SPAG16: variants seen among roughly 807,000 people sequenced by gnomAD.
SPAG16 encodes the protein sperm associated antigen 16.
SPAG16 carries 86 observed loss-of-function variants against 80.4 expected under a neutral mutation model. That is an observed-to-expected ratio of 1.07 (90% CI 0.90 to 1.28). The LOEUF is 1.28. Ranked by LOEUF, SPAG16 falls within the 50% of genes most tolerant of loss-of-function variation. SPAG16 has a pLI of 0.00. For missense variants in SPAG16, 870 were observed against 765.3 expected, an observed-to-expected ratio of 1.14 and a Z score of -1.61; for synonymous variants, 294 against 265.9, an observed-to-expected ratio of 1.11 and a Z score of -1.03.
chr2:214,126,184 CGGAGAAG>C (rs1040754914), intron 14 of SPAG16, among the ~76,000 whole-genome samples: 1 of 148,324 alleles, frequency 6.7e-6, no homozygotes, highest in Non-Finnish European at 1.5e-5. Context: ...CTAGGCTTTA[CGGAGAAG>C]GGAGAAGGGA....
chr2:213,632,831 T>C (rs2062206258), intron 10 of SPAG16, among the ~76,000 whole-genome samples: 1 of 152,192 alleles, frequency 6.6e-6, no homozygotes, highest in Non-Finnish European at 1.5e-5. Flanking sequence ...CACTTGGTCA[T>C]GATGAATAAT....
chr2:214,134,947 C>A (rs140686597), intron 14 of SPAG16, among the ~76,000 whole-genome samples: 117 of 152,206 alleles, frequency 7.7e-4, no homozygotes, highest in African/African-American at 2.8e-3. Flanking sequence ...GACATTGTGC[C>A]GTTTTCGATA....
intron 5 of SPAG16, among the ~76,000 whole-genome samples, chr2:213,322,817 T>TG (rs2063680458): frequency 6.6e-6 from 1 of 151,960 alleles, no homozygotes; most frequent in South Asian, 2.1e-4. Flanking sequence ...CTGAAGAGAC[T>TG]GAGGGAAAAA....
rs542342402 is a variant in SPAG16, at chr2:214,246,548, A to G, written c.1720+97282A>G. Among the ~76,000 whole-genome samples, 25 of 152,216 alleles carry G rather than the reference A, an allele frequency of 1.6e-4. No individual in the cohort carries two copies. In the South Asian group the frequency reaches 3.9e-3, roughly 24 times the overall value. ...CTGAGCATACTATAAGCCCTTGACT[A>G]TGCTTAGTCCACTGTGCTGCAAAGA... is the stretch of plus-strand genomic sequence containing the variant. On this transcript the variant is annotated intron_variant, in intron 15 of 15. Transcript: ENST00000331683.
At chr2:214,134,967 C>CTTTCCTGCCTTCT (rs1241015207) in intron 14 of SPAG16, among the ~76,000 whole-genome samples, 1 of 152,166 alleles carries the variant, frequency 6.6e-6, no homozygotes, top group Non-Finnish European at 1.5e-5. Context: ...AAAAATGACA[C>CTTTCCTGCCTTCT]CTTCCTGCCT....
intron 15 of SPAG16, among the ~76,000 whole-genome samples, chr2:214,251,703 C>T (rs186976180): frequency 6.6e-5 from 10 of 152,226 alleles, no homozygotes; most frequent in South Asian, 2.1e-4. Flanking sequence ...GTCCAAGAAA[C>T]GTACTCCTAT....
intron 15 of SPAG16, among the ~76,000 whole-genome samples, chr2:214,189,178 A>C (rs891329948): frequency 3.9e-5 from 6 of 152,164 alleles, no homozygotes; most frequent in Admixed American, 2.0e-4. Flanking sequence ...ACAACATCTG[A>C]TGTTAAATTA....
In SPAG16 at chr2:214,108,479, A is replaced by ACACACC. The variant is rs71409874; in HGVS notation, c.1593+219_1593+220insACACCC. Among the ~76,000 whole-genome samples, 367 of 52,364 alleles carry ACACACC rather than the reference A, an allele frequency of 7.0e-3. 5 individuals carry two copies. Among genetic ancestry groups the ACACACC allele is most frequent in the South Asian group, 0.045 (104 of 2,332 alleles). 34.4% of individuals were successfully genotyped at this position (52,364 alleles called of 152,430 possible). A position where few individuals can be genotyped will look rare whatever the true frequency, so the allele number is the denominator to read the frequency against. On this transcript the variant is annotated intron_variant, in intron 14 of 15. Coordinates refer to ENST00000331683, the MANE Select transcript of SPAG16 (RefSeq NM_024532.5). ...CACACACACACACACACACACACAC[A>ACACACC]CCCCCACACACACCCCAAGTCGTAG...
At chr2:213,587,075 A>G (rs2060498886) in intron 10 of SPAG16, among the ~76,000 whole-genome samples, 2 of 152,174 alleles carry the variant, frequency 1.3e-5, no homozygotes, top group East Asian at 1.9e-4. Flanking sequence ...CTGGGCTTGA[A>G]TCTTGCGCTG....
At chr2:213,284,663 T>C (rs774017673) in intron 1 of SPAG16, 44 bp downstream of exon 1, 2 of 1,588,876 alleles carry the variant, frequency 1.3e-6, no homozygotes, top group African/African-American at 1.3e-5. Flanking sequence ...TGGCGGGTAA[T>C]GGGTGTTGGG....
intron 10 of SPAG16, among the ~76,000 whole-genome samples, chr2:213,820,013 G>T (rs891626319): frequency 6.7e-6 from 1 of 149,076 alleles, no homozygotes; most frequent in South Asian, 2.1e-4. Flanking sequence ...CCTGACCTCA[G>T]GTGATCCACC....
At chr2:213,653,138 T>C (rs1384665899) in intron 10 of SPAG16, among the ~76,000 whole-genome samples, 1 of 152,158 alleles carries the variant, frequency 6.6e-6, no homozygotes, top group African/African-American at 2.4e-5. Context: ...CTCCGGGATA[T>C]GGATAGGTGT....
intron 6 of SPAG16, among the ~76,000 whole-genome samples, chr2:213,346,697 T>G (rs1294068947): frequency 6.6e-6 from 1 of 152,242 alleles, no homozygotes; most frequent in Admixed American, 6.5e-5. Context: ...GATTTGCATA[T>G]GTTGAACCAG....
At chr2:213,834,675 T>C (rs2073979687) in intron 10 of SPAG16, among the ~76,000 whole-genome samples, 1 of 152,130 alleles carries the variant, frequency 6.6e-6, no homozygotes, top group South Asian at 2.1e-4. Context: ...ACATATCTTT[T>C]GGGAGAAAAT....
chr2:213,672,833 T>TTTTTG (rs370311938), intron 10 of SPAG16, among the ~76,000 whole-genome samples: 1 of 151,580 alleles, frequency 6.6e-6, no homozygotes, highest in African/African-American at 2.4e-5. Context: ...ATCAGTTTTT[T>TTTTTG]TTTGTTTGTT....
intron 10 of SPAG16, among the ~76,000 whole-genome samples, chr2:213,605,047 T>C (rs1039957392): frequency 5.3e-5 from 8 of 151,580 alleles, no homozygotes; most frequent in African/African-American, 1.9e-4. Flanking sequence ...TGTGTGTGCA[T>C]ATATGTGTAT....
intron 9 of SPAG16, among the ~76,000 whole-genome samples, chr2:213,407,588 G>T (rs2068685360): frequency 7.0e-6 from 1 of 143,092 alleles, no homozygotes. Flanking sequence ...CTAGGAGAGA[G>T]AGAGACAGGA....
chr2:214,137,733 G>A (rs2055136971), intron 14 of SPAG16, among the ~76,000 whole-genome samples: 1 of 151,922 alleles, frequency 6.6e-6, no homozygotes, highest in Non-Finnish European at 1.5e-5. Flanking sequence ...ATCTCTTTAA[G>A]CATTATTTTC....
At chr2:214,196,960 C>A (rs1232385704) in intron 15 of SPAG16, among the ~76,000 whole-genome samples, 1 of 151,820 alleles carries the variant, frequency 6.6e-6, no homozygotes, top group Non-Finnish European at 1.5e-5. Context: ...GAGGGAAGAC[C>A]ACTTGATGCC....
Sources: allele counts gnomAD v4.1 joint callset (sites outside exome capture counted in the v4.1 genomes callset), GRCh38; gene constraint gnomAD v4.1.1; transcripts MANE v1.5; gene names NCBI Gene and HGNC (gene_info 2026-07-23, HGNC 2026-07-21).